The following PANX3 variants were observed in gnomAD, a reference collection of about 807,000 sequenced individuals.
PANX3 encodes pannexin 3.
A neutral mutation model predicts 31.5 loss-of-function variants in PANX3; 18 were observed. The observed-to-expected ratio is 0.57, with a 90% CI of 0.39 to 0.85. PANX3 has a LOEUF of 0.85. Ranked by LOEUF, PANX3 falls within the 40% of genes least tolerant of loss-of-function variation. The probability of loss-of-function intolerance (pLI) is 0.00; values close to 1 mark genes in which losing one functional copy is unlikely to be tolerated. For synonymous variants in PANX3, 194 were observed against 201.6 expected, an observed-to-expected ratio of 0.96 and a Z score of 0.32; for missense variants, 426 against 485.4, an observed-to-expected ratio of 0.88 and a Z score of 1.15.
Position 124,619,554 on chromosome 11 carries a change from G to A in PANX3, c.798G>A (p.Leu266=). Residue 266 remains leucine, a synonymous_variant, in exon 4 of 4, where the codon CTG becomes CTA. Transcript: ENST00000284288. ...TGATCACATGCAGGCTGACATCACT[G>A]TCCATTTTCCAGATTGTTAGCCTCT... is the stretch of plus-strand genomic sequence containing the variant. ...PNLITCRLTS[L]SIFQIVSLSS... is the part of the protein sequence containing the mutation. The A allele has an allele frequency of 6.2e-7, 1 of 1,614,162 alleles. No homozygotes were observed. Among genetic ancestry groups the A allele is most frequent in the Non-Finnish European group, 8.5e-7 (1 of 1,180,034 alleles).
intron 3 of PANX3, among the ~76,000 whole-genome samples, chr11:124,618,189 T>C (rs913617487): frequency 6.6e-6 from 1 of 152,194 alleles, no homozygotes; most frequent in Non-Finnish European, 1.5e-5. Context: ...GTGGTGTAGC[T>C]TCACACAGAG....
intron 2 of PANX3, 113 bp from the exon 3 acceptor site, chr11:124,617,161 A>G: frequency 1.1e-6 from 1 of 900,740 alleles, no homozygotes; most frequent in Non-Finnish European, 1.7e-6. Context: ...CATTCCCCAA[A>G]CAGCCTTCCC....
At position 124,617,425 on chromosome 11, in the gene PANX3, A is replaced by G. The variant is rs1863166791; in HGVS notation, c.476A>G (p.Gln159Arg). The change falls in exon 3 of 4, where the codon CAG (glutamine) becomes CGG (arginine). Residue 159 changes from glutamine to arginine, a missense_variant. Physicochemically the swap from Gln to Arg is conservative, Grantham distance 43. Coordinates refer to ENST00000284288, the MANE Select transcript of PANX3 (RefSeq NM_052959.3). ...TATAATCGCTCCATCCGCCTCGTGC[A>G]GCACATGCTGAAGATCCGGCAGAAG... is the stretch of plus-strand genomic sequence containing the variant. Reference protein sequence around the residue: ...KSYNRSIRLVQHMLKIRQKSS... With the variant: ...KSYNRSIRLVRHMLKIRQKSS... The G allele has an allele frequency of 2.5e-6, 4 of 1,614,252 alleles. No homozygotes were observed. Among genetic ancestry groups the G allele is most frequent in the Non-Finnish European group, 3.4e-6 (4 of 1,180,054 alleles).
rs35607342 is a variant in PANX3 at position 124,619,432 on chromosome 11, T to A, written c.676T>A (p.Tyr226Asn). ...CATCTTCACCTCCGCCACTTACCTA[T>A]ACCTTGGTCATTTCCATCTGGATGT... ...LLIFTSATYL[Y>N]LGHFHLDVFF... Residue 226 changes from tyrosine (Y) to asparagine (N), a missense_variant, in exon 4 of 4, where the codon TAC (tyrosine) becomes AAC (asparagine). Transcript: ENST00000284288. 1,923 of 1,614,178 alleles carry A rather than the reference T, an allele frequency of 1.2e-3. 13 individuals carry two copies. The African/African-American group carries it at 0.023, about 19-fold the overall frequency.
rs1359014833 is a variant in PANX3, at chr11:124,616,360, C to T, written c.325-914C>T. 6.6e-6 allele frequency among the ~76,000 whole-genome samples: 1 copy of T among 152,034 alleles called. No homozygotes were observed. The highest frequency in any genetic ancestry group is 1.5e-5 in the Non-Finnish European group (1 of 68,002). On this transcript the variant is annotated intron_variant, in intron 2 of 3. Transcript: ENST00000284288. The surrounding 1 kb of genome is among the most constrained non-coding windows in gnomAD (Gnocchi z 4.8). Reference sequence around the variant, plus strand: ...CCTGTATGCATTTCTGCTTCTTTACCTGGCTTTTTTTTTAAAAAAGAAAAA... The same window carrying T: ...CCTGTATGCATTTCTGCTTCTTTACTTGGCTTTTTTTTTAAAAAAGAAAAA...
At chr11:124,618,844 CTG>C (rs1565395476) in intron 3 of PANX3, among the ~76,000 whole-genome samples, 2 of 152,192 alleles carry the variant, frequency 1.3e-5, no homozygotes, top group Non-Finnish European at 2.9e-5. Context: ...TGAGGTCTTA[CTG>C]TGTTTCCCAT....
In PANX3 at chr11:124,619,510, G is replaced by A; in HGVS notation, c.754G>A (p.Glu252Lys). Residue 252 changes from glutamate (E) to lysine (K), a missense_variant, in exon 4 of 4, where the codon GAG becomes AAG. Physicochemically the swap from Glu to Lys is moderately conservative, Grantham distance 56. Coordinates refer to ENST00000284288, the MANE Select transcript of PANX3 (RefSeq NM_052959.3). ...CSIKTGLLSD[E>K]THVPNLITCR... Reference sequence around the variant, plus strand: ...CATCAAGACAGGGCTGCTAAGTGATGAGACCCATGTCCCCAATCTGATCAC... The same window carrying A: ...CATCAAGACAGGGCTGCTAAGTGATAAGACCCATGTCCCCAATCTGATCAC... 1 of 1,614,190 alleles carries A rather than the reference G, an allele frequency of 6.2e-7. No individual in the cohort carries two copies. Among genetic ancestry groups the A allele is most frequent in the Non-Finnish European group, 8.5e-7 (1 of 1,180,030 alleles).
intron 2 of PANX3, among the ~76,000 whole-genome samples, chr11:124,614,167 T>TAAAAAAAAAAAAAAAAAAAAAAAGA (rs1863125313): frequency 1.4e-5 from 1 of 73,460 alleles, no homozygotes; most frequent in African/African-American, 4.2e-5. Flanking sequence ...ATCTAAATGG[T>TAAAAAAAAAAAAAAAAAAAAAAAGA]AAAAAAAAAA....
chr11:124,611,627 G>A lies in PANX3; in HGVS notation c.71G>A (p.Arg24His), dbSNP rs147954369. Residue 24 changes from arginine to histidine, a missense_variant, in exon 1 of 4, where the codon CGC becomes CAC. Physicochemically the swap from Arg to His is conservative, Grantham distance 29 (BLOSUM62 0). Transcript: ENST00000284288. ...CTGCTGCCTGACCGCAGGGGACCCC[G>A]CCTCAAAGGACTGCGTCTGGAACTG... The part of the protein sequence containing the change: ...DALLPDRRGP[R>H]LKGLRLELPL... 76 of 1,613,964 alleles carry A rather than the reference G, an allele frequency of 4.7e-5. No homozygotes were observed. The highest frequency in any genetic ancestry group is 2.7e-4 in the South Asian group (25 of 91,072).
chr11:124,619,942 A>C lies in PANX3; in HGVS notation c.*7A>C. 6.3e-7 allele frequency: 1 copy of C among 1,584,458 alleles called. No homozygotes were observed. Among genetic ancestry groups the C allele is most frequent in the Non-Finnish European group, 8.6e-7 (1 of 1,167,346 alleles). ...ATGTGATGAACACCCATAGTTAAGA[A>C]ACCATGGAGCAAGAAAGCTTGTGGA... On this transcript the variant is annotated 3_prime_UTR_variant, in exon 4 of 4. Coordinates refer to ENST00000284288, the MANE Select transcript of PANX3 (RefSeq NM_052959.3).
rs1863153007 is a variant in PANX3, at chr11:124,616,373, T to TA, written c.325-895dup. On this transcript the variant is annotated intron_variant, in intron 2 of 3. Transcript: ENST00000284288. This position sits in a 1 kb window ranked among gnomAD's most constrained non-coding sequence, Gnocchi z 4.8. ...CTGCTTCTTTACCTGGCTTTTTTTT[T>TA]AAAAAAGAAAAAAAAGAACATCAGT... Among the ~76,000 whole-genome samples the TA allele has an allele frequency of 1.3e-5, 2 of 151,652 alleles. No individual in the cohort carries two copies. The highest frequency in any genetic ancestry group is 2.1e-4 in the South Asian group (1 of 4,816).
intron 1 of PANX3, among the ~76,000 whole-genome samples, 173 bp from the exon 2 acceptor site, chr11:124,612,807 C>T (rs1863107814): frequency 6.6e-6 from 1 of 152,150 alleles, no homozygotes; most frequent in Non-Finnish European, 1.5e-5. Context: ...GGGATGCGTC[C>T]AGGAGTGCCC....
rs1863200048 is a variant in PANX3 at position 124,620,091 on chromosome 11, A to C, written c.*156A>C. On this transcript the variant is annotated 3_prime_UTR_variant, in exon 4 of 4. Coordinates refer to ENST00000284288, the MANE Select transcript of PANX3 (RefSeq NM_052959.3). ...TATATCTTTTATCATGTTATCCTAAAAGTGAGAAGACATAACCAAGACATG... is the reference window on the plus strand; with the variant it reads ...TATATCTTTTATCATGTTATCCTAACAGTGAGAAGACATAACCAAGACATG... 2.4e-6 allele frequency: 2 copies of C among 827,910 alleles called. No individual in the cohort carries two copies. Among genetic ancestry groups the C allele is most frequent in the African/African-American group, 1.7e-5 (1 of 58,054 alleles). The allele number at this position is 827,910 out of a possible 1,614,324, so 51.3% of individuals were successfully genotyped here. A position where few individuals can be genotyped will look rare whatever the true frequency, so the allele number is the denominator to read the frequency against.
At chr11:124,615,663 G>C (rs996177029) in intron 2 of PANX3, among the ~76,000 whole-genome samples, 1 of 152,122 alleles carries the variant, frequency 6.6e-6, no homozygotes, top group Non-Finnish European at 1.5e-5. Flanking sequence ...TGACATCCTT[G>C]TGAAGATCAA....
At chr11:124,618,515 G>A (rs1863178132) in intron 3 of PANX3, among the ~76,000 whole-genome samples, 1 of 152,194 alleles carries the variant, frequency 6.6e-6, no homozygotes, top group Admixed American at 6.5e-5. Flanking sequence ...AGCACAAACT[G>A]GCTTACATGT....
In PANX3 at chr11:124,617,953, A is replaced by G. The variant is rs564058126; in HGVS notation, c.539+465A>G. On this transcript the variant is annotated intron_variant, in intron 3 of 3. Transcript: ENST00000284288. ...TGTAATCATTCCTCCACCTGCATAC[A>G]GGCATTGTCCTGGGTGCTTCTGATA... Among the ~76,000 whole-genome samples the G allele has an allele frequency of 2.0e-5, 3 of 152,332 alleles. No individual in the cohort carries two copies. The South Asian group carries it at 6.2e-4, about 32-fold the overall frequency.
chr11:124,619,365 T>G lies in PANX3; in HGVS notation c.609T>G (p.His203Gln). ...ERYLACKQRS[H>Q]SLVATYLLRN... ...ACCTGGCATGTAAGCAGCGTTCACA[T>G]TCGCTAGTGGCTACCTACCTCCTGA... is the stretch of plus-strand genomic sequence containing the variant. The change falls in exon 4 of 4, where the codon CAT (histidine) becomes CAG (glutamine). Residue 203 changes from histidine to glutamine, a missense_variant. Transcript: ENST00000284288. The G allele has an allele frequency of 6.2e-7, 1 of 1,614,196 alleles. No homozygotes were observed. The highest frequency in any genetic ancestry group is 8.5e-7 in the Non-Finnish European group (1 of 1,180,034).
chr11:124,619,985 C>A lies in PANX3; in HGVS notation c.*50C>A. ...CTTGTGGAAAGTCTCTCTCCTTCCT[C>A]ATAAGACATGCACACTAATACACAT... On this transcript the variant is annotated 3_prime_UTR_variant, in exon 4 of 4. Transcript: ENST00000284288. The A allele has an allele frequency of 6.5e-7, 1 of 1,537,626 alleles. No individual in the cohort carries two copies. The highest frequency in any genetic ancestry group is 8.7e-7 in the Non-Finnish European group (1 of 1,145,136).
chr11:124,614,035 G>A (rs563537011), intron 2 of PANX3, among the ~76,000 whole-genome samples: 63 of 152,094 alleles, frequency 4.1e-4, no homozygotes, highest in Non-Finnish European at 4.0e-4. Context: ...GAAGACACTC[G>A]TAGCATTTTC....
Sources: allele counts gnomAD v4.1 joint callset (sites outside exome capture counted in the v4.1 genomes callset), GRCh38; gene constraint gnomAD v4.1.1; non-coding constraint Gnocchi (gnomAD v3.1); transcripts MANE v1.5; gene names NCBI Gene and HGNC (gene_info 2026-07-23, HGNC 2026-07-21).